The following PAXIP1 variants were observed in gnomAD, a reference collection of about 807,000 sequenced individuals.
PAXIP1 encodes PAX-interacting protein 1.
In PAXIP1, 19 loss-of-function variants were observed where a neutral mutation model predicts 140.6. The ratio of observed to expected loss-of-function variants is 0.14; its 90% CI spans 0.09 to 0.20. PAXIP1 has a LOEUF of 0.20. PAXIP1 is among the 10% of genes least tolerant of loss of function. PAXIP1 has a pLI of 1.00. For missense variants in PAXIP1, 920 were observed against 1,208.6 expected, an observed-to-expected ratio of 0.76 and a Z score of 3.54; for synonymous variants, 442 against 444.6, an observed-to-expected ratio of 0.99 and a Z score of 0.07.
chr7:154,953,871 T>C (rs1808393331), intron 16 of PAXIP1, among the ~76,000 whole-genome samples: 1 of 152,182 alleles, frequency 6.6e-6, no homozygotes, highest in Non-Finnish European at 1.5e-5. Context: ...TATAAACTGA[T>C]ATTCAAAGTG....
At chr7:154,955,076 CA>C (rs1413553838) in intron 15 of PAXIP1, among the ~76,000 whole-genome samples, 1 of 152,148 alleles carries the variant, frequency 6.6e-6, no homozygotes, top group Non-Finnish European at 1.5e-5. Flanking sequence ...GATGTTATTT[CA>C]AAAAGTATAT....
At chr7:154,988,113 T>C (rs2150778719) in intron 4 of PAXIP1, among the ~76,000 whole-genome samples, 1 of 152,338 alleles carries the variant, frequency 6.6e-6, no homozygotes, top group South Asian at 2.1e-4. Context: ...ATCGTCTCTA[T>C]CCATCTACCT....
chr7:154,986,255 C>A lies in PAXIP1; in HGVS notation c.325-2923G>T. On this transcript the variant is annotated intron_variant, in intron 4 of 20. Coordinates refer to ENST00000404141, the MANE Select transcript of PAXIP1 (RefSeq NM_007349.4). The surrounding 1 kb of genome is among the most constrained non-coding windows in gnomAD (Gnocchi z 4.8). ...TTTGTAAAGCTGGGGTCCTGCCTGGCGTGTGCATGTGAGTGTGTGTGCGCA... is the reference window on the plus strand; with the variant it reads ...TTTGTAAAGCTGGGGTCCTGCCTGGAGTGTGCATGTGAGTGTGTGTGCGCA... 4 of 1,111,156 alleles carry A rather than the reference C, an allele frequency of 3.6e-6. No homozygotes were observed. Among genetic ancestry groups the A allele is most frequent in the Non-Finnish European group, 4.8e-6 (4 of 839,874 alleles). The allele number at this position is 1,111,156 out of a possible 1,614,324, so 68.8% of individuals were successfully genotyped here. A position where few individuals can be genotyped will look rare whatever the true frequency, so the allele number is the denominator to read the frequency against.
At chr7:154,989,044 A>G (rs1013550847) in intron 4 of PAXIP1, among the ~76,000 whole-genome samples, 3 of 152,246 alleles carry the variant, frequency 2.0e-5, no homozygotes, top group Non-Finnish European at 4.4e-5. Context: ...AGATATGAAA[A>G]AACATTGCAA....
At position 154,946,721 on chromosome 7, in the gene PAXIP1, C is replaced by T; in HGVS notation, c.3015G>A (p.Lys1005=). ...VECAGGKVLS[K]QPSFRKLMEH... is the part of the protein sequence containing the mutation. Reference sequence around the variant, plus strand: ...CCATGAGCTTCCGGAAAGATGGCTGCTTGGATAACACCTTTCCTCCTGCAC... The same window carrying T: ...CCATGAGCTTCCGGAAAGATGGCTGTTTGGATAACACCTTTCCTCCTGCAC... The change falls in exon 18 of 21, where the codon AAG becomes AAA. Residue 1005 remains lysine (K), a synonymous_variant. Transcript: ENST00000404141. The surrounding 1 kb of genome is among the most constrained non-coding windows in gnomAD (Gnocchi z 4.9). 1 of 1,613,712 alleles carries T rather than the reference C, an allele frequency of 6.2e-7. No individual in the cohort carries two copies. Among genetic ancestry groups the T allele is most frequent in the South Asian group, 1.1e-5 (1 of 91,026 alleles).
chr7:154,944,891 G>A (rs1350442806), intron 20 of PAXIP1: 1 of 151,790 alleles, frequency 6.6e-6, no homozygotes, highest in East Asian at 1.9e-4. Flanking sequence ...TGGTAAGAGC[G>A]TTTCTGCACC....
At chr7:154,970,719 T>A (rs1478200403) in intron 6 of PAXIP1, among the ~76,000 whole-genome samples, 4 of 152,128 alleles carry the variant, frequency 2.6e-5, no homozygotes, top group Non-Finnish European at 5.9e-5. Context: ...GCCTGCCTGG[T>A]GGGCACCAGC....
intron 5 of PAXIP1, among the ~76,000 whole-genome samples, chr7:154,981,566 G>A (rs1412628170): frequency 6.6e-6 from 1 of 152,010 alleles, no homozygotes; most frequent in Non-Finnish European, 1.5e-5. Flanking sequence ...CTATATACAT[G>A]CATAATACAT....
chr7:154,972,345 C>T (rs1206887479), intron 6 of PAXIP1, among the ~76,000 whole-genome samples: 4 of 152,044 alleles, frequency 2.6e-5, no homozygotes, highest in African/African-American at 7.3e-5. Context: ...AAACATTAGC[C>T]GGGCGTGGTA....
intron 17 of PAXIP1, 124 bp downstream of exon 17, chr7:154,947,779 T>C (rs1265805942): frequency 1.4e-6 from 1 of 733,566 alleles, no homozygotes; most frequent in Non-Finnish European, 2.5e-6. Context: ...AAGAGGTAAA[T>C]GGGATGCAGG....
chr7:154,999,611 A>C (rs1810794465), intron 1 of PAXIP1, among the ~76,000 whole-genome samples: 1 of 152,230 alleles, frequency 6.6e-6, no homozygotes, highest in Admixed American at 6.5e-5. Flanking sequence ...GGGTATAAGC[A>C]AAAGAGCAAA....
rs1462393975 is a variant in PAXIP1, at chr7:154,961,039, C to A, written c.2288G>T (p.Arg763Met). The change falls in exon 12 of 21, where the codon AGG (arginine) becomes ATG (methionine). Residue 763 changes from arginine (R) to methionine (M), a missense_variant. Transcript: ENST00000404141. Reference sequence around the variant, plus strand: ...CCACTGGGCGTTGACACAGGGTATCCTCCACTCTTTGGCTTTTTCATACTT... The same window carrying A: ...CCACTGGGCGTTGACACAGGGTATCATCCACTCTTTGGCTTTTTCATACTT... ...GLKYEKAKEW[R>M]IPCVNAQWLG... 5.6e-6 allele frequency: 9 copies of A among 1,595,314 alleles called. No homozygotes were observed. In the Admixed American group the frequency reaches 1.6e-4, roughly 28 times the overall value.
chr7:154,994,568 G>A (rs916171037), intron 2 of PAXIP1, among the ~76,000 whole-genome samples: 4 of 152,110 alleles, frequency 2.6e-5, no homozygotes, highest in Non-Finnish European at 5.9e-5. Context: ...CAATGAAAAC[G>A]AGAAACGCAG....
In PAXIP1 at chr7:154,954,135, A is replaced by T; in HGVS notation, c.2821+120T>A. 1.5e-6 allele frequency: 1 copy of T among 684,788 alleles called. No individual in the cohort carries two copies. The highest frequency in any genetic ancestry group is 2.2e-6 in the Non-Finnish European group (1 of 459,018). The allele number at this position is 684,788 out of a possible 1,614,324, so 42.4% of individuals were successfully genotyped here. On this transcript the variant is annotated intron_variant, in intron 16 of 20. Coordinates refer to ENST00000404141, the MANE Select transcript of PAXIP1 (RefSeq NM_007349.4). The surrounding 1 kb of genome is among the most constrained non-coding windows in gnomAD (Gnocchi z 5.1). ...GGATATGAAATAAATTTTTAAATTTAAATGAATAACTATCACATAGTTTAA... is the reference window on the plus strand; with the variant it reads ...GGATATGAAATAAATTTTTAAATTTTAATGAATAACTATCACATAGTTTAA...
At chr7:154,993,850 T>TA in intron 2 of PAXIP1, 81 bp from the exon 3 acceptor site, 1 of 1,020,800 alleles carries the variant, frequency 9.8e-7, no homozygotes, top group Non-Finnish European at 1.5e-6. Flanking sequence ...TCTTAGAAAT[T>TA]AAAAGTCTCT....
At position 154,956,899 on chromosome 7, in the gene PAXIP1, G is replaced by A. The variant is rs951766854; in HGVS notation, c.2549+325C>T. The A allele has an allele frequency of 2.0e-5, 4 of 203,800 alleles. No homozygotes were observed. The highest frequency in any genetic ancestry group is 3.9e-5 in the Non-Finnish European group (4 of 101,992). The allele number at this position is 203,800 out of a possible 1,614,324, so 12.6% of individuals were successfully genotyped here. A position where few individuals can be genotyped will look rare whatever the true frequency, so the allele number is the denominator to read the frequency against. On this transcript the variant is annotated intron_variant, in intron 14 of 20. Transcript: ENST00000404141. This position sits in a 1 kb window ranked among gnomAD's most constrained non-coding sequence, Gnocchi z 4.2. ...CAGGTTCTTCAGCCGTGCCCAGGAG[G>A]CCTGGGGCTCCGTGGTCTATCTCTG...
chr7:154,983,128 TAAC>T, intron 5 of PAXIP1, 88 bp downstream of exon 5: 1 of 631,432 alleles, frequency 1.6e-6, no homozygotes, highest in East Asian at 2.9e-5. Flanking sequence ...TGAAATATAA[TAAC>T]TAATTTAAAA....
At chr7:154,949,136 A>G (rs780133355) in intron 16 of PAXIP1, 3 of 152,186 alleles carry the variant, frequency 2.0e-5, no homozygotes, top group Non-Finnish European at 4.4e-5. Flanking sequence ...CCAATAATAT[A>G]TACATCAAAA....
chr7:154,975,599 G>A, intron 6 of PAXIP1, 97 bp downstream of exon 6: 1 of 781,592 alleles, frequency 1.3e-6, no homozygotes. Context: ...AAGTTATTTG[G>A]TCTGAAAAAG....
Sources: allele counts gnomAD v4.1 joint callset (sites outside exome capture counted in the v4.1 genomes callset), GRCh38; gene constraint gnomAD v4.1.1; non-coding constraint Gnocchi (gnomAD v3.1); transcripts MANE v1.5; gene names NCBI Gene and HGNC (gene_info 2026-07-23, HGNC 2026-07-21).